EIF3J: variants seen among roughly 807,000 people sequenced by gnomAD.
EIF3J encodes the protein eukaryotic translation initiation factor 3, subunit 1 (alpha, 35kD).
EIF3J carries 15 observed loss-of-function variants against 39.0 expected under a neutral mutation model. The observed-to-expected ratio is 0.38, with a 90% CI of 0.26 to 0.59. The LOEUF is 0.59. Ranked by LOEUF, EIF3J falls within the 20% of genes least tolerant of loss-of-function variation. EIF3J has a pLI of 0.60. For missense variants in EIF3J, 226 were observed against 308.6 expected (o/e 0.73, Z 2.00); for synonymous variants, 98 against 112.9 (o/e 0.87, Z 0.84).
rs1204286799 is a variant in EIF3J, at chr15:44,553,942, CTTT to C, written c.295-606_295-604del. On this transcript the variant is annotated intron_variant, in intron 4 of 7. Coordinates refer to ENST00000261868, the MANE Select transcript of EIF3J (RefSeq NM_003758.4). ...TTTACCTTGTCCACAGTCTCAATTC[CTTT>C]TTTTAAAAAAGGTTATAGAAGTAAC... Among the ~76,000 whole-genome samples the C allele has an allele frequency of 4.6e-5, 7 of 152,196 alleles. No homozygotes were observed. In the South Asian group the frequency reaches 1.2e-3, roughly 27 times the overall value.
In EIF3J at chr15:44,550,884, GGATGAC is replaced by G; in HGVS notation, c.162_167del (p.Asp56_Asp57del). 2.5e-6 allele frequency: 4 copies of G among 1,601,896 alleles called. No individual in the cohort carries two copies. Among genetic ancestry groups the G allele is most frequent in the Non-Finnish European group, 3.4e-6 (4 of 1,170,470 alleles). The stretch of plus-strand genomic sequence containing the variant: ...GAAGTCCTTTTCTTTAGGATAACTG[GGATGAC>G]GATGATGATGAAAAAAAAGAGGAAG... On this transcript the variant is annotated inframe_deletion, in exon 3 of 8. Coordinates refer to ENST00000261868, the MANE Select transcript of EIF3J (RefSeq NM_003758.4).
chr15:44,553,465 C>T (rs193090257), intron 4 of EIF3J, among the ~76,000 whole-genome samples: 2 of 151,476 alleles, frequency 1.3e-5, no homozygotes, highest in Admixed American at 6.6e-5. Flanking sequence ...GCACTCCAGC[C>T]CGGGCGACAG....
chr15:44,538,524 A>G (rs968348084), intron 2 of EIF3J, among the ~76,000 whole-genome samples: 4 of 152,150 alleles, frequency 2.6e-5, no homozygotes, highest in African/African-American at 7.2e-5. Flanking sequence ...GATAATCACT[A>G]TGAACTTAAT....
At chr15:44,560,975 A>T in intron 7 of EIF3J, 43 bp from the exon 8 acceptor site, 2 of 1,605,346 alleles carry the variant, frequency 1.2e-6, no homozygotes, top group Non-Finnish European at 1.7e-6. Flanking sequence ...TAAGATGCCC[A>T]TAGCACACTA....
At chr15:44,554,386 A>C (rs945757416) in intron 4 of EIF3J, among the ~76,000 whole-genome samples, 167 bp from the exon 5 acceptor site, 3 of 151,774 alleles carry the variant, frequency 2.0e-5, no homozygotes, top group Non-Finnish European at 2.9e-5. Flanking sequence ...AAAAAAAAAA[A>C]AAAAAAAAAA....
intron 2 of EIF3J, among the ~76,000 whole-genome samples, chr15:44,542,637 T>C (rs558462767): frequency 2.0e-5 from 3 of 152,344 alleles, no homozygotes; most frequent in East Asian, 3.9e-4. Context: ...TAAAGTTTTC[T>C]GCTTTGCTTC....
intron 2 of EIF3J, among the ~76,000 whole-genome samples, chr15:44,537,923 C>T (rs962666039): frequency 3.3e-5 from 5 of 152,064 alleles, no homozygotes; most frequent in African/African-American, 1.2e-4. Flanking sequence ...GAATTTCAAC[C>T]TTTTTTTCCC....
chr15:44,561,249 G>C lies in EIF3J; in HGVS notation c.*100G>C, dbSNP rs1484535906. 1.4e-6 allele frequency: 2 copies of C among 1,380,626 alleles called. No homozygotes were observed. Among genetic ancestry groups the C allele is most frequent in the Admixed American group, 2.0e-5 (1 of 49,470 alleles). The allele number at this position is 1,380,626 out of a possible 1,614,324, so 85.5% of individuals were successfully genotyped here. A position where few individuals can be genotyped will look rare whatever the true frequency, so the allele number is the denominator to read the frequency against. On this transcript the variant is annotated 3_prime_UTR_variant, in exon 8 of 8. Transcript: ENST00000261868. ...TCAGTTCTGCCAAATGCTACAATCAGAAGTGCAGTATCTTTTGTGCTGGTT... is the reference window on the plus strand; with the variant it reads ...TCAGTTCTGCCAAATGCTACAATCACAAGTGCAGTATCTTTTGTGCTGGTT...
chr15:44,537,254 G>A lies in EIF3J; in HGVS notation c.43+17G>A, dbSNP rs2081965796. On this transcript the variant is annotated intron_variant, in intron 1 of 7. Coordinates refer to ENST00000261868, the MANE Select transcript of EIF3J (RefSeq NM_003758.4). ...ACTCCTGGGGTGAGGAGAAGTTGCT[G>A]GGGCAGGGCCCGGGCCGGCGCCGGC... is the stretch of plus-strand genomic sequence containing the variant. 1 of 1,582,504 alleles carries A rather than the reference G, an allele frequency of 6.3e-7. No homozygotes were observed. Among genetic ancestry groups the A allele is most frequent in the East Asian group, 2.3e-5 (1 of 42,638 alleles).
At chr15:44,549,021 A>G (rs534398943) in intron 2 of EIF3J, among the ~76,000 whole-genome samples, 2 of 152,282 alleles carry the variant, frequency 1.3e-5, no homozygotes, top group South Asian at 4.2e-4. Flanking sequence ...AAAAAACTCC[A>G]AATCAGAGAT....
intron 2 of EIF3J, among the ~76,000 whole-genome samples, chr15:44,541,709 G>A (rs1235849737): frequency 6.6e-6 from 1 of 152,238 alleles, no homozygotes; most frequent in Non-Finnish European, 1.5e-5. Context: ...ATACCCAGAA[G>A]GTGGGCATTT....
intron 2 of EIF3J, among the ~76,000 whole-genome samples, chr15:44,539,974 C>T (rs1322287134): frequency 1.4e-5 from 2 of 145,446 alleles, no homozygotes; most frequent in African/African-American, 2.5e-5. Context: ...GAGTCTTGCT[C>T]TGTCACCCAG....
At chr15:44,557,699 G>A (rs370020216) in intron 6 of EIF3J, 49 bp downstream of exon 6, 36 of 1,322,550 alleles carry the variant, frequency 2.7e-5, no homozygotes, top group Non-Finnish European at 3.6e-5. Flanking sequence ...TTAGTAGGAT[G>A]TTCTCTTCAG....
At position 44,560,245 on chromosome 15, in the gene EIF3J, TAAG is replaced by T; in HGVS notation, c.572-3_572-1del. The T allele has an allele frequency of 6.3e-7, 1 of 1,594,582 alleles. No homozygotes were observed. Among genetic ancestry groups the T allele is most frequent in the Admixed American group, 1.8e-5 (1 of 54,654 alleles). ...GTTTAATGGTATGCCCTTTTTTTTTTAAGTGGAAATTGATGACTTGAAAAAAAT... is the reference window on the plus strand; with the variant it reads ...GTTTAATGGTATGCCCTTTTTTTTTTTGGAAATTGATGACTTGAAAAAAAT... On this transcript the variant is annotated splice_acceptor_variant and splice_polypyrimidine_tract_variant and intron_variant, in intron 6 of 7. Coordinates refer to ENST00000261868, the MANE Select transcript of EIF3J (RefSeq NM_003758.4). LOFTEE classifies it high-confidence loss of function.
At chr15:44,557,440 TA>T in intron 5 of EIF3J, 48 bp from the exon 6 acceptor site, 1 of 1,403,466 alleles carries the variant, frequency 7.1e-7, no homozygotes, top group Non-Finnish European at 9.4e-7. Flanking sequence ...GTTTCATTTT[TA>T]AAAATCCTAA....
rs777967979 is a variant in EIF3J at position 44,560,339 on chromosome 15, T to C, written c.645+17T>C. On this transcript the variant is annotated intron_variant, in intron 7 of 7. Coordinates refer to ENST00000261868, the MANE Select transcript of EIF3J (RefSeq NM_003758.4). ...CAAGAAAAGGTAAGAGCAAGCTGTGTAGGGAAATGGGTATTAAATTAGAGT... is the reference window on the plus strand; with the variant it reads ...CAAGAAAAGGTAAGAGCAAGCTGTGCAGGGAAATGGGTATTAAATTAGAGT... 1.2e-6 allele frequency: 2 copies of C among 1,610,926 alleles called. No individual in the cohort carries two copies. Among genetic ancestry groups the C allele is most frequent in the Non-Finnish European group, 1.7e-6 (2 of 1,178,682 alleles).
intron 6 of EIF3J, chr15:44,557,886 G>C (rs1445316913): frequency 3.7e-6 from 1 of 273,364 alleles, no homozygotes; most frequent in Non-Finnish European, 6.8e-6. Flanking sequence ...TTCCCTAAGA[G>C]ATACCTGGGC....
At chr15:44,540,275 T>A (rs1235952613) in intron 2 of EIF3J, among the ~76,000 whole-genome samples, 79 of 139,404 alleles carry the variant, frequency 5.7e-4, no homozygotes, top group Admixed American at 2.2e-3. Context: ...ATATTTTTTT[T>A]TTTTTTTTGT....
At chr15:44,551,654 T>C (rs1455753324) in intron 4 of EIF3J, 132 bp downstream of exon 4, 1 of 640,086 alleles carries the variant, frequency 1.6e-6, no homozygotes, top group Non-Finnish European at 2.5e-6. Flanking sequence ...ATAGGTAAAA[T>C]CCAAAACAAA....
Sources: allele counts gnomAD v4.1 joint callset (sites outside exome capture counted in the v4.1 genomes callset), GRCh38; gene constraint gnomAD v4.1.1; transcripts MANE v1.5; gene names NCBI Gene and HGNC (gene_info 2026-07-23, HGNC 2026-07-21).